Variants in MCTP2 observed in about 807,000 individuals in gnomAD.
The protein encoded by MCTP2 is multiple C2 and transmembrane domain containing 2.
MCTP2 carries 132 observed loss-of-function variants against 111.6 expected under a neutral mutation model. That is an observed-to-expected ratio of 1.18 (90% CI 1.03 to 1.37). The LOEUF is 1.37. Ranked by LOEUF, MCTP2 falls within the 40% of genes most tolerant of loss-of-function variation. The pLI is 0.00. For missense variants in MCTP2, 1,183 were observed against 1,067.9 expected, an observed-to-expected ratio of 1.11 and a Z score of -1.50; for synonymous variants, 395 against 387.7, an observed-to-expected ratio of 1.02 and a Z score of -0.22.
At chr15:94,383,027 G>C (rs2080240739) in intron 12 of MCTP2, among the ~76,000 whole-genome samples, 1 of 151,898 alleles carries the variant, frequency 6.6e-6, no homozygotes, top group Admixed American at 6.5e-5. Flanking sequence ...AAAGAGGAGA[G>C]GTGAGAAGTG....
chr15:94,341,298 C>A (rs537768828), intron 7 of MCTP2: 1 of 187,386 alleles, frequency 5.3e-6, no homozygotes, highest in Non-Finnish European at 1.1e-5. Context: ...TGATACAGTA[C>A]CTATCAAAGA....
At chr15:94,390,107 T>TGC (rs2080853133) in intron 14 of MCTP2, among the ~76,000 whole-genome samples, 3 of 33,982 alleles carry the variant, frequency 8.8e-5, no homozygotes, top group African/African-American at 2.3e-4. Context: ...TATATATATA[T>TGC]ATATATGTAT....
At position 94,433,517 on chromosome 15, in the gene MCTP2, TTTTG is replaced by T. The variant is rs369167488; in HGVS notation, c.2086-6656_2086-6653del. On this transcript the variant is annotated intron_variant, in intron 17 of 22. Transcript: ENST00000357742. ...TTCTACTGTGTGGATATATTCACTT[TTTTG>T]TTGACATTTGGGCCATTTCCAGTTT... Among the ~76,000 whole-genome samples the T allele has an allele frequency of 1.6e-4, 25 of 152,306 alleles. No homozygotes were observed. In the East Asian group the frequency reaches 4.8e-3, roughly 29 times the overall value.
intron 19 of MCTP2, among the ~76,000 whole-genome samples, chr15:94,449,719 A>G (rs1230483764): frequency 6.6e-6 from 1 of 152,216 alleles, no homozygotes; most frequent in Admixed American, 6.5e-5. Context: ...TTTGAGCTGA[A>G]TCTTAATAAT....
Position 94,315,657 on chromosome 15 carries a change from T to G in MCTP2, c.637+20T>G. 1 of 1,574,900 alleles carries G rather than the reference T, an allele frequency of 6.3e-7. No homozygotes were observed. Among genetic ancestry groups the G allele is most frequent in the South Asian group, 1.1e-5 (1 of 90,140 alleles). ...GCTGTGGTAAGACCTGGGTCTGTTA[T>G]GGTGGGTGTAGCCTGGAAACTTCTT... On this transcript the variant is annotated intron_variant, in intron 4 of 22. Coordinates refer to ENST00000357742, the MANE Select transcript of MCTP2 (RefSeq NM_001385001.1).
chr15:94,403,214 C>G, intron 17 of MCTP2: 1 of 985,376 alleles, frequency 1.0e-6, no homozygotes, highest in Non-Finnish European at 1.2e-6. Flanking sequence ...TCTGAAGTTG[C>G]TAAAACATTT....
intron 12 of MCTP2, among the ~76,000 whole-genome samples, chr15:94,374,882 A>G (rs1303189518): frequency 6.6e-6 from 1 of 152,160 alleles, no homozygotes; most frequent in Non-Finnish European, 1.5e-5. Context: ...GTGGGGGAGG[A>G]TATGAAGTGA....
At chr15:94,354,054 G>A (rs1450985052) in intron 8 of MCTP2, among the ~76,000 whole-genome samples, 1 of 150,976 alleles carries the variant, frequency 6.6e-6, no homozygotes, top group Admixed American at 6.6e-5. Flanking sequence ...TATTCCGGAT[G>A]GAACATATTC....
At chr15:94,267,215 G>T (rs2073589813) in intron 1 of MCTP2, among the ~76,000 whole-genome samples, 1 of 152,158 alleles carries the variant, frequency 6.6e-6, no homozygotes, top group South Asian at 2.1e-4. Context: ...CCCTGTCCCT[G>T]TTGCAGTCAA....
chr15:94,304,391 G>C (rs927675258), intron 2 of MCTP2, among the ~76,000 whole-genome samples: 2 of 152,212 alleles, frequency 1.3e-5, no homozygotes, highest in Non-Finnish European at 2.9e-5. Flanking sequence ...GCAGTGGGCT[G>C]TGATTGTGCC....
At chr15:94,317,405 C>T (rs1020109388) in intron 4 of MCTP2, among the ~76,000 whole-genome samples, 11 of 152,160 alleles carry the variant, frequency 7.2e-5, no homozygotes, top group African/African-American at 2.7e-4. Context: ...CTTCCCATTC[C>T]TCCTGGTTAT....
intron 19 of MCTP2, among the ~76,000 whole-genome samples, chr15:94,443,201 G>C (rs1446618381): frequency 6.6e-6 from 1 of 152,078 alleles, no homozygotes; most frequent in East Asian, 1.9e-4. Context: ...CATAACTATA[G>C]GAGGCCTTTC....
At chr15:94,344,538 A>G (rs1203651258) in intron 7 of MCTP2, among the ~76,000 whole-genome samples, 2 of 152,196 alleles carry the variant, frequency 1.3e-5, no homozygotes, top group African/African-American at 4.8e-5. Flanking sequence ...ATGACAGAGG[A>G]GAGATCAGAA....
intron 14 of MCTP2, among the ~76,000 whole-genome samples, chr15:94,388,034 T>A (rs943203669): frequency 6.6e-6 from 1 of 152,038 alleles, no homozygotes; most frequent in Non-Finnish European, 1.5e-5. Flanking sequence ...GACACAGAGG[T>A]AGGGTGGAGC....
At position 94,340,887 on chromosome 15, in the gene MCTP2, T is replaced by C. The variant is rs760158364; in HGVS notation, c.932T>C (p.Leu311Ser). 7 of 1,612,238 alleles carry C rather than the reference T, an allele frequency of 4.3e-6. No individual in the cohort carries two copies. In the African/African-American group the frequency reaches 9.3e-5, roughly 22 times the overall value. ...EDDMGVIVLN[L>S]NLVVKQGDFK... ...GACATGGGAGTGATCGTGTTAAATT[T>C]GAACCTAGTGGTAAAACAGGGTGAT... The change falls in exon 7 of 23, where the codon TTG (leucine) becomes TCG (serine). Residue 311 changes from leucine to serine, a missense_variant. By Grantham distance (145) the Leu-to-Ser change is moderately radical. Coordinates refer to ENST00000357742, the MANE Select transcript of MCTP2 (RefSeq NM_001385001.1).
chr15:94,382,335 TC>T (rs1212100627), intron 12 of MCTP2, among the ~76,000 whole-genome samples: 1 of 152,266 alleles, frequency 6.6e-6, no homozygotes, highest in African/African-American at 2.4e-5. Context: ...TTAATAAATT[TC>T]TTTTCCGCTA....
chr15:94,394,919 A>C (rs2152468588), intron 14 of MCTP2, among the ~76,000 whole-genome samples: 1 of 152,288 alleles, frequency 6.6e-6, no homozygotes, highest in South Asian at 2.1e-4. Flanking sequence ...CAGTGGATGA[A>C]TGGATTGTCT....
At chr15:94,240,423 A>G (rs990892146) in intron 1 of MCTP2, among the ~76,000 whole-genome samples, 4 of 152,128 alleles carry the variant, frequency 2.6e-5, no homozygotes, top group Admixed American at 2.6e-4. Flanking sequence ...TCTGTTTTGC[A>G]TCCCAGGGAA....
chr15:94,474,035 A>C (rs142922991), intron 21 of MCTP2, among the ~76,000 whole-genome samples: 19 of 152,182 alleles, frequency 1.2e-4, no homozygotes, highest in Non-Finnish European at 1.9e-4. Flanking sequence ...GGACCAGTAC[A>C]TGATAGCATC....
Sources: allele counts gnomAD v4.1 joint callset (sites outside exome capture counted in the v4.1 genomes callset), GRCh38; gene constraint gnomAD v4.1.1; transcripts MANE v1.5; gene names NCBI Gene and HGNC (gene_info 2026-07-23, HGNC 2026-07-21).